The following PHLPP1 variants were observed in gnomAD, a reference collection of about 807,000 sequenced individuals.
The protein encoded by PHLPP1 is PH domain leucine-rich repeat-containing protein phosphatase 1.
In PHLPP1, 42 loss-of-function variants were observed where a neutral mutation model predicts 117.2. The ratio of observed to expected loss-of-function variants is 0.36; its 90% CI spans 0.28 to 0.46. PHLPP1 has a LOEUF of 0.46. Ranked by LOEUF, PHLPP1 falls within the 20% of genes least tolerant of loss-of-function variation. The pLI, the probability that PHLPP1 is intolerant of heterozygous loss-of-function variation, is 1.00. For synonymous variants in PHLPP1, 1,042 were observed against 970.7 expected, an observed-to-expected ratio of 1.07 and a Z score of -1.37; for missense variants, 2,084 against 2,241.9, an observed-to-expected ratio of 0.93 and a Z score of 1.42.
At chr18:62,958,890 A>G (rs771543605) in intron 13 of PHLPP1, 131 bp downstream of exon 13, 1 of 995,634 alleles carries the variant, frequency 1.0e-6, no homozygotes, top group Non-Finnish European at 1.5e-6. Flanking sequence ...ACAACAGGAT[A>G]TACAAGATGC....
At chr18:62,905,351 T>A in intron 8 of PHLPP1, 67 bp downstream of exon 8, 1 of 763,526 alleles carries the variant, frequency 1.3e-6, no homozygotes, top group Non-Finnish European at 1.9e-6. Flanking sequence ...CTGTCTGAGC[T>A]TATGCACAAG....
intron 14 of PHLPP1, among the ~76,000 whole-genome samples, chr18:62,965,385 T>G (rs1910872107): frequency 6.6e-6 from 1 of 152,008 alleles, no homozygotes; most frequent in Non-Finnish European, 1.5e-5. Flanking sequence ...TAGTATTGCC[T>G]TCCTGTCAGG....
Position 62,810,537 on chromosome 18 carries a change from A to G in PHLPP1, c.1577-19498A>G, listed in dbSNP as rs181681560. Among the ~76,000 whole-genome samples the G allele has an allele frequency of 2.1e-3, 316 of 152,296 alleles. 1 individual carries two copies. Among genetic ancestry groups the G allele is most frequent in the African/African-American group, 7.2e-3 (298 of 41,562 alleles). The stretch of plus-strand genomic sequence containing the variant: ...ATAAAGTTTAATTTATAAATTAGGC[A>G]CAGTAAGAGATTAACAACAATAACT... On this transcript the variant is annotated intron_variant, in intron 1 of 16. Coordinates refer to ENST00000262719, the MANE Select transcript of PHLPP1 (RefSeq NM_194449.4).
chr18:62,716,730 C>T lies in PHLPP1; in HGVS notation c.1047C>T (p.Ser349=). ...APRPVVSDTE[S]FSLSPSAESV... ...GGCCTGTGGTCTCCGACACCGAGAG[C>T]TTCAGTCTGAGTCCCAGCGCCGAGA... Residue 349 remains serine, a synonymous_variant, in exon 1 of 17, where the codon AGC becomes AGT. Coordinates refer to ENST00000262719, the MANE Select transcript of PHLPP1 (RefSeq NM_194449.4). This position sits in a 1 kb window ranked among gnomAD's most constrained non-coding sequence, Gnocchi z 5.7. 2 of 1,509,884 alleles carry T rather than the reference C, an allele frequency of 1.3e-6. No individual in the cohort carries two copies. Among genetic ancestry groups the T allele is most frequent in the South Asian group, 2.5e-5 (2 of 81,514 alleles). 93.5% of individuals were successfully genotyped at this position (1,509,884 alleles called of 1,614,324 possible).
At chr18:62,803,002 A>G (rs1913829523) in intron 1 of PHLPP1, among the ~76,000 whole-genome samples, 1 of 152,218 alleles carries the variant, frequency 6.6e-6, no homozygotes, top group South Asian at 2.1e-4. Context: ...TTTTGAGAGT[A>G]GGGTGGAGAA....
At chr18:62,973,386 A>T (rs890781073) in intron 15 of PHLPP1, among the ~76,000 whole-genome samples, 1 of 152,190 alleles carries the variant, frequency 6.6e-6, no homozygotes, top group African/African-American at 2.4e-5. Flanking sequence ...TACCACCTTC[A>T]TGGCTTTCTA....
At position 62,914,913 on chromosome 18, in the gene PHLPP1, G is replaced by T. The variant is rs1466481814; in HGVS notation, c.2709G>T (p.Arg903Ser). ...ATTACTTTTATGTTCTTGCATTTAGGAACCGCTTAGAAAATGTGCCTGAGT... is the reference window on the plus strand; with the variant it reads ...ATTACTTTTATGTTCTTGCATTTAGTAACCGCTTAGAAAATGTGCCTGAGT... ...PNYLSYMDVS[R>S]NRLENVPEWV... Residue 903 changes from arginine (R) to serine (S), a missense_variant and splice_region_variant, in exon 9 of 17, where the codon AGG (arginine) becomes AGT (serine). Around this residue, in one of 2 missense-constraint regions of PHLPP1, gnomAD observed 1,365 missense variants for 1,605.9 expected, o/e 0.85. Transcript: ENST00000262719. 1 of 1,611,636 alleles carries T rather than the reference G, an allele frequency of 6.2e-7. No individual in the cohort carries two copies. Among genetic ancestry groups the T allele is most frequent in the Non-Finnish European group, 8.5e-7 (1 of 1,178,192 alleles).
At chr18:62,783,560 G>A (rs1358759958) in intron 1 of PHLPP1, among the ~76,000 whole-genome samples, 1 of 152,112 alleles carries the variant, frequency 6.6e-6, no homozygotes, top group East Asian at 1.9e-4. Context: ...ATATTGTAAT[G>A]GTTATTGTAA....
In PHLPP1 at chr18:62,715,710, A is replaced by G; in HGVS notation, c.27A>G (p.Val9=). 1 of 1,261,134 alleles carries G rather than the reference A, an allele frequency of 7.9e-7. No individual in the cohort carries two copies. 78.1% of individuals were successfully genotyped at this position (1,261,134 alleles called of 1,614,324 possible). The change falls in exon 1 of 17, where the codon GTA becomes GTG. Residue 9 remains valine (V), a synonymous_variant. Transcript: ENST00000262719. ...TGGAGCCCGCCGCCGCGGCCACGGTACAGCGACTCCCCGAGCTCGGCAGGG... is the reference window on the plus strand; with the variant it reads ...TGGAGCCCGCCGCCGCGGCCACGGTGCAGCGACTCCCCGAGCTCGGCAGGG... MEPAAAAT[V]QRLPELGRED...
At chr18:62,793,374 G>A (rs1913520069) in intron 1 of PHLPP1, among the ~76,000 whole-genome samples, 1 of 152,004 alleles carries the variant, frequency 6.6e-6, no homozygotes, top group South Asian at 2.1e-4. Context: ...CTGCTGTTTC[G>A]CCTTCATATC....
At position 62,716,432 on chromosome 18, in the gene PHLPP1, A is replaced by T. The variant is rs749978797; in HGVS notation, c.749A>T (p.Gln250Leu). The T allele has an allele frequency of 7.3e-7, 1 of 1,365,726 alleles. No homozygotes were observed. Among genetic ancestry groups the T allele is most frequent in the African/African-American group, 1.5e-5 (1 of 65,864 alleles). 84.6% of individuals were successfully genotyped at this position (1,365,726 alleles called of 1,614,324 possible). ...GGCGGCGTGGTGAAGGTGCTGGGCCAGGGGCCCGGAGCCGCCGCCGCCCGG... is the reference window on the plus strand; with the variant it reads ...GGCGGCGTGGTGAAGGTGCTGGGCCTGGGGCCCGGAGCCGCCGCCGCCCGG... ...KGGGVVKVLG[Q>L]GPGAAAAREP... Residue 250 changes from glutamine to leucine, a missense_variant, in exon 1 of 17, where the codon CAG (glutamine) becomes CTG (leucine). Around this residue, in one of 2 missense-constraint regions of PHLPP1, gnomAD observed 719 missense variants for 636.0 expected, o/e 1.13. Coordinates refer to ENST00000262719, the MANE Select transcript of PHLPP1 (RefSeq NM_194449.4). This position sits in a 1 kb window ranked among gnomAD's most constrained non-coding sequence, Gnocchi z 5.7.
At chr18:62,767,943 T>A (rs572447847) in intron 1 of PHLPP1, among the ~76,000 whole-genome samples, 2 of 152,300 alleles carry the variant, frequency 1.3e-5, no homozygotes, top group African/African-American at 4.8e-5. Context: ...GGCTGGCACT[T>A]AGATAACTAA....
At chr18:62,884,541 T>G (rs1916239359) in intron 4 of PHLPP1, among the ~76,000 whole-genome samples, 1 of 152,222 alleles carries the variant, frequency 6.6e-6, no homozygotes, top group Admixed American at 6.5e-5. Flanking sequence ...CTTTTCATAA[T>G]TGATGCAAAG....
At chr18:62,890,166 A>G (rs1405389281) in intron 4 of PHLPP1, among the ~76,000 whole-genome samples, 1 of 152,180 alleles carries the variant, frequency 6.6e-6, no homozygotes, top group African/African-American at 2.4e-5. Context: ...GGTAGGGGTC[A>G]TTATCACTTT....
At chr18:62,742,824 T>C (rs899517094) in intron 1 of PHLPP1, among the ~76,000 whole-genome samples, 1 of 152,228 alleles carries the variant, frequency 6.6e-6, no homozygotes, top group Non-Finnish European at 1.5e-5. Context: ...GAAAAATTAG[T>C]ACCTCTTATT....
intron 1 of PHLPP1, among the ~76,000 whole-genome samples, chr18:62,735,686 G>A (rs1427470346): frequency 6.6e-6 from 1 of 152,108 alleles, no homozygotes; most frequent in African/African-American, 2.4e-5. Flanking sequence ...TCCTGATGAT[G>A]GGTAAAAGAA....
At chr18:62,976,914 C>T (rs1911203564) in intron 16 of PHLPP1, among the ~76,000 whole-genome samples, 1 of 152,194 alleles carries the variant, frequency 6.6e-6, no homozygotes, top group Non-Finnish European at 1.5e-5. Context: ...AGATGACTGA[C>T]ACTTTGATGA....
chr18:62,930,834 A>G (rs1279141006), intron 10 of PHLPP1, among the ~76,000 whole-genome samples: 1 of 152,200 alleles, frequency 6.6e-6, no homozygotes, highest in African/African-American at 2.4e-5. Flanking sequence ...AATCCTGTCA[A>G]GCATCTTCTC....
At chr18:62,739,047 A>T (rs965761870) in intron 1 of PHLPP1, among the ~76,000 whole-genome samples, 8 of 152,154 alleles carry the variant, frequency 5.3e-5, no homozygotes, top group Non-Finnish European at 1.2e-4. Flanking sequence ...TAGAATTTGG[A>T]TGTGTTAAGT....
Sources: allele counts gnomAD v4.1 joint callset (sites outside exome capture counted in the v4.1 genomes callset), GRCh38; gene constraint gnomAD v4.1.1; regional missense constraint gnomAD v4.1.1; non-coding constraint Gnocchi (gnomAD v3.1); transcripts MANE v1.5; gene names NCBI Gene and HGNC (gene_info 2026-07-23, HGNC 2026-07-21).